PIAS1: variants seen among roughly 807,000 people sequenced by gnomAD.
PIAS1 encodes the protein protein inhibitor of activated STAT 1.
In PIAS1, 6 loss-of-function variants were observed where a neutral mutation model predicts 71.3. That is an observed-to-expected ratio of 0.08 (90% CI 0.05 to 0.17). PIAS1 has a LOEUF of 0.17. Among genes scored for constraint, PIAS1 ranks in the 10% least tolerant of loss-of-function variants. PIAS1 has a pLI of 1.00. For synonymous variants in PIAS1, 303 were observed against 292.9 expected (o/e 1.03, Z -0.35); for missense variants, 555 against 793.6 (o/e 0.70, Z 3.61).
chr15:68,054,517 C>CA lies in PIAS1; in HGVS notation c.24+167_24+168insA, dbSNP rs1555420994. 1 of 532,074 alleles carries CA rather than the reference C, an allele frequency of 1.9e-6. No individual in the cohort carries two copies. The highest frequency in any genetic ancestry group is 3.1e-6 in the Non-Finnish European group (1 of 322,060). 33.0% of individuals were successfully genotyped at this position (532,074 alleles called of 1,614,324 possible). On this transcript the variant is annotated intron_variant, in intron 1 of 13. Coordinates refer to ENST00000249636, the MANE Select transcript of PIAS1 (RefSeq NM_016166.3). This position sits in a 1 kb window ranked among gnomAD's most constrained non-coding sequence, Gnocchi z 4.6. ...GGTCTCAGCAGAGGGGGCCCGCCTG[C>CA]GGCGGGCCGCGGGCCCCGGGTGCCT...
intron 2 of PIAS1, among the ~76,000 whole-genome samples, chr15:68,113,986 CTCTG>C (rs1415129634): frequency 6.6e-6 from 1 of 151,590 alleles, no homozygotes; most frequent in African/African-American, 2.4e-5. Flanking sequence ...TAGGATCTCT[CTCTG>C]TCTCTCTCTT....
At chr15:68,073,960 C>T (rs1028670537) in intron 1 of PIAS1, among the ~76,000 whole-genome samples, 1 of 152,066 alleles carries the variant, frequency 6.6e-6, no homozygotes, top group Non-Finnish European at 1.5e-5. Context: ...ATTGACAGGA[C>T]TTGGTAAATA....
rs1555425137 is a variant in PIAS1, at chr15:68,090,927, G to GTGTGTGTGT, written c.469+4177_469+4178insTGTGTGTGT. Reference sequence around the variant, plus strand: ...GTATTCTTTTTGTTAGTCATTTACGGGTGTGTGTGTGTGTGTGTGTGTGTG... The same window carrying GTGTGTGTGT: ...GTATTCTTTTTGTTAGTCATTTACGGTGTGTGTGTGTGTGTGTGTGTGTGTGTGTGTGTG... On this transcript the variant is annotated intron_variant, in intron 2 of 13. Transcript: ENST00000249636. Among the ~76,000 whole-genome samples the GTGTGTGTGT allele has an allele frequency of 3.5e-3, 506 of 142,854 alleles. 4 individuals carry two copies. Among genetic ancestry groups the GTGTGTGTGT allele is most frequent in the African/African-American group, 0.013 (496 of 38,326 alleles). 93.7% of individuals were successfully genotyped at this position (142,854 alleles called of 152,430 possible). A position where few individuals can be genotyped will look rare whatever the true frequency, so the allele number is the denominator to read the frequency against.
chr15:68,068,195 A>C (rs1233829102), intron 1 of PIAS1, among the ~76,000 whole-genome samples: 3 of 152,108 alleles, frequency 2.0e-5, no homozygotes, highest in Non-Finnish European at 4.4e-5. Flanking sequence ...CGATATGACA[A>C]AAACCTGTGT....
At chr15:68,082,960 C>T (rs989502094) in intron 1 of PIAS1, among the ~76,000 whole-genome samples, 3 of 152,036 alleles carry the variant, frequency 2.0e-5, no homozygotes, top group African/African-American at 7.2e-5. Flanking sequence ...AGAGGTTGCT[C>T]CTTACAGAAT....
rs1046645116 is a variant in PIAS1 at position 68,178,251 on chromosome 15, C to T, written c.1481+1597C>T. 6.6e-6 allele frequency among the ~76,000 whole-genome samples: 1 copy of T among 152,096 alleles called. No individual in the cohort carries two copies. The highest frequency in any genetic ancestry group is 1.5e-5 in the Non-Finnish European group (1 of 68,016). On this transcript the variant is annotated intron_variant, in intron 11 of 13. Transcript: ENST00000249636. This position sits in a 1 kb window ranked among gnomAD's most constrained non-coding sequence, Gnocchi z 4.2. ...TGCCACTGCACTCCAACCTGGGTGA[C>T]AGAATGAGACCCCATCTCAAAAAAA...
At position 68,107,253 on chromosome 15, in the gene PIAS1, C is replaced by T. The variant is rs146846774; in HGVS notation, c.469+20503C>T. Among the ~76,000 whole-genome samples the T allele has an allele frequency of 3.9e-5, 6 of 152,270 alleles. No homozygotes were observed. In the East Asian group the frequency reaches 1.2e-3, roughly 29 times the overall value. The stretch of plus-strand genomic sequence containing the variant: ...TTGTTAGGGATTGTCCATTAACTTA[C>T]AGCTGTTTTCACTCTGATCATTGTT... On this transcript the variant is annotated intron_variant, in intron 2 of 13. Coordinates refer to ENST00000249636, the MANE Select transcript of PIAS1 (RefSeq NM_016166.3).
chr15:68,147,185 A>G (rs2092813569), intron 6 of PIAS1, among the ~76,000 whole-genome samples: 1 of 152,206 alleles, frequency 6.6e-6, no homozygotes, highest in African/African-American at 2.4e-5. Flanking sequence ...TTTTGTGTAC[A>G]TTGACAGATT....
chr15:68,143,066 T>TA (rs2141048988), intron 4 of PIAS1, among the ~76,000 whole-genome samples: 1 of 152,048 alleles, frequency 6.6e-6, no homozygotes, highest in South Asian at 2.1e-4. Flanking sequence ...ATATCTCCCT[T>TA]TTATATACAT....
chr15:68,124,958 T>C (rs1314067788), intron 2 of PIAS1, among the ~76,000 whole-genome samples: 1 of 152,230 alleles, frequency 6.6e-6, no homozygotes, highest in Non-Finnish European at 1.5e-5. Context: ...CCATGGGAGA[T>C]AAGATTTGGC....
intron 11 of PIAS1, among the ~76,000 whole-genome samples, chr15:68,179,561 GTTCTTTTTTTTTTTT>G (rs2093039946): frequency 6.6e-5 from 2 of 30,190 alleles, no homozygotes; most frequent in African/African-American, 1.4e-4. Context: ...CTCGTGAAAT[GTTCTTTTTTTTTTTT>G]TTTTTTTTTT....
chr15:68,090,706 G>A (rs1196199563), intron 2 of PIAS1, among the ~76,000 whole-genome samples: 1 of 152,096 alleles, frequency 6.6e-6, no homozygotes, highest in Non-Finnish European at 1.5e-5. Flanking sequence ...ATGGGAAATA[G>A]AGTAGGGAAG....
chr15:68,100,471 T>C (rs2092414053), intron 2 of PIAS1, among the ~76,000 whole-genome samples: 1 of 152,176 alleles, frequency 6.6e-6, no homozygotes, highest in South Asian at 2.1e-4. Context: ...ATATCACTAG[T>C]TTGTTCCTTT....
At chr15:68,138,353 T>G (rs950133005) in intron 2 of PIAS1, among the ~76,000 whole-genome samples, 1 of 152,150 alleles carries the variant, frequency 6.6e-6, no homozygotes, top group Non-Finnish European at 1.5e-5. Flanking sequence ...CCAAGGGTAA[T>G]GTCCATGGCC....
chr15:68,141,247 C>T (rs151227114), intron 2 of PIAS1, among the ~76,000 whole-genome samples: 7 of 152,218 alleles, frequency 4.6e-5, no homozygotes, highest in Non-Finnish European at 8.8e-5. Flanking sequence ...TTGCTCATAA[C>T]GGCATACTTT....
At chr15:68,170,921 G>A (rs1387775830) in intron 8 of PIAS1, among the ~76,000 whole-genome samples, 3 of 152,144 alleles carry the variant, frequency 2.0e-5, no homozygotes, top group Non-Finnish European at 2.9e-5. Flanking sequence ...GATTACTGGT[G>A]TGAGCCACCA....
intron 7 of PIAS1, among the ~76,000 whole-genome samples, chr15:68,154,292 G>C (rs1164454191): frequency 3.9e-5 from 6 of 152,172 alleles, no homozygotes; most frequent in Non-Finnish European, 8.8e-5. Context: ...TCTTCAAATG[G>C]GGCTGTGCTG....
intron 2 of PIAS1, chr15:68,087,841 GC>G: frequency 2.7e-6 from 1 of 368,114 alleles, no homozygotes. Context: ...ATTATATTTA[GC>G]AGAAATTATC....
intron 2 of PIAS1, among the ~76,000 whole-genome samples, chr15:68,095,197 A>AT (rs1300004067): frequency 6.6e-6 from 1 of 152,182 alleles, no homozygotes; most frequent in Admixed American, 6.5e-5. Flanking sequence ...GAAATCCAAC[A>AT]TTTAAGATCT....
Sources: allele counts gnomAD v4.1 joint callset (sites outside exome capture counted in the v4.1 genomes callset), GRCh38; gene constraint gnomAD v4.1.1; non-coding constraint Gnocchi (gnomAD v3.1); transcripts MANE v1.5; gene names NCBI Gene and HGNC (gene_info 2026-07-23, HGNC 2026-07-21).